Variants in CXADR observed in about 807,000 individuals in gnomAD.
CXADR encodes the protein CXADR cell adhesion molecule, also known as coxsackievirus and adenovirus receptor.
CXADR carries 20 observed loss-of-function variants against 40.3 expected under a neutral mutation model. That is an observed-to-expected ratio of 0.50 (90% CI 0.35 to 0.72). CXADR has a LOEUF of 0.72. Among genes scored for constraint, CXADR ranks in the 30% least tolerant of loss-of-function variants. The pLI is 0.01. For missense variants in CXADR, 332 were observed against 449.1 expected (o/e 0.74, Z 2.36); for synonymous variants, 150 against 161.3 (o/e 0.93, Z 0.53).
intron 1 of CXADR, among the ~76,000 whole-genome samples, chr21:17,520,995 A>T (rs2060523241): frequency 6.6e-6 from 1 of 152,192 alleles, no homozygotes; most frequent in Non-Finnish European, 1.5e-5. Flanking sequence ...GATTTCAGGA[A>T]AGAGACAGAC....
chr21:17,528,549 G>T (rs2123152638), intron 1 of CXADR, among the ~76,000 whole-genome samples: 1 of 151,922 alleles, frequency 6.6e-6, no homozygotes, highest in Admixed American at 6.6e-5. Flanking sequence ...GGGACTACAG[G>T]CATGCGCCAC....
intron 2 of CXADR, among the ~76,000 whole-genome samples, chr21:17,550,330 G>A (rs1250200916): frequency 6.8e-6 from 1 of 147,442 alleles, no homozygotes; most frequent in Admixed American, 6.9e-5. Flanking sequence ...CTCCTGCCTG[G>A]GCGATAGAAC....
In CXADR at chr21:17,547,211, T is replaced by G. The variant is rs763490384; in HGVS notation, c.210+18T>G. 1 of 1,613,994 alleles carries G rather than the reference T, an allele frequency of 6.2e-7. No individual in the cohort carries two copies. Among genetic ancestry groups the G allele is most frequent in the Non-Finnish European group, 8.5e-7 (1 of 1,180,000 alleles). ...ATCAAGTGGTAAGTTTGATATGTCCTTGCTCGCTTAGCAGCTGTCTGTGCA... is the reference window on the plus strand; with the variant it reads ...ATCAAGTGGTAAGTTTGATATGTCCGTGCTCGCTTAGCAGCTGTCTGTGCA... On this transcript the variant is annotated intron_variant, in intron 2 of 6. Coordinates refer to ENST00000284878, the MANE Select transcript of CXADR (RefSeq NM_001338.5).
chr21:17,554,581 G>A (rs540140386), intron 3 of CXADR, among the ~76,000 whole-genome samples: 34 of 152,302 alleles, frequency 2.2e-4, no homozygotes, highest in African/African-American at 7.5e-4. Context: ...TGATCTGGAC[G>A]AGGTTGTGTC....
the CXADR span, among the ~76,000 whole-genome samples, chr21:17,625,608 T>A: frequency 6.6e-6 from 1 of 152,234 alleles, no homozygotes; most frequent in Admixed American, 6.5e-5. Context: ...TAATTGCTGA[T>A]AAACTTTTTA....
intron 1 of CXADR, among the ~76,000 whole-genome samples, chr21:17,534,596 T>C (rs1308627797): frequency 6.6e-6 from 1 of 152,166 alleles, no homozygotes; most frequent in Non-Finnish European, 1.5e-5. Flanking sequence ...GCAAATAGCA[T>C]GGTGGTCACC....
At chr21:17,546,953 G>T (rs2060904581) in intron 1 of CXADR, 74 bp from the exon 2 acceptor site, 3 of 1,555,764 alleles carry the variant, frequency 1.9e-6, no homozygotes, top group Non-Finnish European at 2.6e-6. Context: ...TGCTGCTTCT[G>T]AATGGCTGCG....
At chr21:17,633,377 C>A in the CXADR span, among the ~76,000 whole-genome samples, 6 of 152,242 alleles carry the variant, frequency 3.9e-5, no homozygotes, top group East Asian at 1.2e-3. Flanking sequence ...CCAGCCTGGG[C>A]AATATAGTGA....
chr21:17,563,599 A>G (rs575380335), intron 6 of CXADR, among the ~76,000 whole-genome samples: 1 of 152,254 alleles, frequency 6.6e-6, no homozygotes, highest in Non-Finnish European at 1.5e-5. Context: ...CTGTTGTGAG[A>G]ATTTCCAAAA....
At chr21:17,533,210 TA>T (rs1370608283) in intron 1 of CXADR, among the ~76,000 whole-genome samples, 2 of 152,192 alleles carry the variant, frequency 1.3e-5, no homozygotes, top group African/African-American at 4.8e-5. Context: ...TTTTGTGTAA[TA>T]AATTTGGCAA....
chr21:17,554,152 G>T lies in CXADR; in HGVS notation c.415+2199G>T, dbSNP rs145040915. Among the ~76,000 whole-genome samples, 808 of 152,318 alleles carry T rather than the reference G, an allele frequency of 5.3e-3. 10 individuals are homozygous for T. The highest frequency in any genetic ancestry group is 0.018 in the African/African-American group (750 of 41,566). On this transcript the variant is annotated intron_variant, in intron 3 of 6. Transcript: ENST00000284878. ...ATGGGGTTGGCACATATTCCCAGAA[G>T]AGTTGTGGACAAGCATGTTTGTGTG... is the stretch of plus-strand genomic sequence containing the variant.
chr21:17,600,634 A>G, the CXADR span, among the ~76,000 whole-genome samples: 1 of 152,056 alleles, frequency 6.6e-6, no homozygotes, highest in Admixed American at 6.5e-5. Context: ...CAGTCTGGGT[A>G]ACATGGTGAG....
At chr21:17,519,125 C>A in intron 1 of CXADR, 1 of 709,158 alleles carries the variant, frequency 1.4e-6, no homozygotes. Context: ...AAAAATGCCT[C>A]CCCTCCAAGG....
chr21:17,558,168 C>G (rs901652407), intron 3 of CXADR, among the ~76,000 whole-genome samples: 1 of 151,898 alleles, frequency 6.6e-6, no homozygotes, highest in African/African-American at 2.4e-5. Context: ...GGTTCTGTCA[C>G]CTAGGCTGGA....
In CXADR at chr21:17,565,666, C is replaced by T; in HGVS notation, c.1072C>T (p.Gln358Ter). 2 of 1,612,000 alleles carry T rather than the reference C, an allele frequency of 1.2e-6. No homozygotes were observed. The highest frequency in any genetic ancestry group is 1.1e-5 in the South Asian group (1 of 90,988). ...TGCGATTCCTGTGATGATTCCAGCA[C>T]AGAGCAAGGATGGGTCTATAGTATA... The part of the protein sequence containing the change: ...MGAIPVMIPA[Q>*]SKDGSIV Residue 358 changes from glutamine (Q) to a stop codon, truncating the protein, a stop_gained, in exon 7 of 7, where the codon CAG becomes TAG. Coordinates refer to ENST00000284878, the MANE Select transcript of CXADR (RefSeq NM_001338.5). LOFTEE classifies it high-confidence loss of function.
downstream of CXADR, among the ~76,000 whole-genome samples, chr21:17,598,143 T>G (rs1394163034): frequency 1.3e-5 from 2 of 152,166 alleles, no homozygotes; most frequent in East Asian, 3.8e-4. Context: ...ACTAGCTATA[T>G]GACTTTTCAA....
the CXADR span, chr21:17,604,803 G>T: frequency 6.4e-7 from 1 of 1,572,486 alleles, no homozygotes; most frequent in Non-Finnish European, 8.6e-7. Flanking sequence ...ATGACAGAAT[G>T]TCATAAAATT....
At chr21:17,602,031 T>C in the CXADR span, among the ~76,000 whole-genome samples, 2 of 152,070 alleles carry the variant, frequency 1.3e-5, no homozygotes, top group Non-Finnish European at 2.9e-5. Context: ...AGTAGACACC[T>C]GGACAACTTT....
intron 1 of CXADR, among the ~76,000 whole-genome samples, chr21:17,523,978 C>T (rs2060563016): frequency 6.6e-6 from 1 of 151,986 alleles, no homozygotes; most frequent in African/African-American, 2.4e-5. Context: ...CCTGCCTCAG[C>T]CTCCCAAGCA....
Sources: allele counts gnomAD v4.1 joint callset (sites outside exome capture counted in the v4.1 genomes callset), GRCh38; gene constraint gnomAD v4.1.1; transcripts MANE v1.5; gene names NCBI Gene and HGNC (gene_info 2026-07-23, HGNC 2026-07-21).